Variants in PSEN2 observed in about 807,000 individuals in gnomAD.
PSEN2 encodes presenilin 2.
In PSEN2, 32 loss-of-function variants were observed where a neutral mutation model predicts 49.1. That is an observed-to-expected ratio of 0.65 (90% confidence interval 0.49 to 0.88). The LOEUF is 0.88. Ranked by LOEUF, PSEN2 falls within the 40% of genes least tolerant of loss-of-function variation. The pLI is 0.00. For synonymous variants in PSEN2, 255 were observed against 244.0 expected (o/e 1.05, Z -0.42); for missense variants, 522 against 586.9 (o/e 0.89, Z 1.14).
Position 226,888,223 on chromosome 1 carries a change from G to A in PSEN2, c.566+65G>A, listed in dbSNP as rs1661501911. ...CTCCATGTGGCACAAGTGGACATGG[G>A]CATGAGGACCTGGGCGGGGAAAGAT... On this transcript the variant is annotated intron_variant, in intron 7 of 12. Coordinates refer to ENST00000366783, the MANE Select transcript of PSEN2 (RefSeq NM_000447.3). 5 of 1,392,606 alleles carry A rather than the reference G, an allele frequency of 3.6e-6. No individual in the cohort carries two copies. The African/African-American group carries it at 4.3e-5, about 12-fold the overall frequency. 86.3% of individuals were successfully genotyped at this position (1,392,606 alleles called of 1,614,324 possible). A position where few individuals can be genotyped will look rare whatever the true frequency, so the allele number is the denominator to read the frequency against.
downstream of PSEN2, among the ~76,000 whole-genome samples, chr1:226,896,529 C>T (rs1315318566): frequency 6.6e-6 from 1 of 152,144 alleles, no homozygotes; most frequent in African/African-American, 2.4e-5. Context: ...TTGGCTTTGC[C>T]TTCTCTGTAC....
At chr1:226,889,106 T>C in intron 8 of PSEN2, 57 bp downstream of exon 8, 1 of 1,485,688 alleles carries the variant, frequency 6.7e-7, no homozygotes, top group African/African-American at 1.4e-5. Context: ...GGCCAAATCG[T>C]CCCCAGTGCT....
chr1:226,876,280 G>A (rs1162791309), intron 3 of PSEN2, among the ~76,000 whole-genome samples: 1 of 152,212 alleles, frequency 6.6e-6, no homozygotes, highest in Non-Finnish European at 1.5e-5. Context: ...AGGCCCTCAG[G>A]AATTCAGAGG....
intron 11 of PSEN2, 34 bp downstream of exon 11, chr1:226,891,878 C>T: frequency 6.3e-7 from 1 of 1,591,532 alleles, no homozygotes; most frequent in Non-Finnish European, 8.6e-7. Flanking sequence ...CCTGCTTCAG[C>T]CTACGGCGGG....
chr1:226,890,271 AG>A, intron 9 of PSEN2, 138 bp downstream of exon 9: 1 of 748,708 alleles, frequency 1.3e-6, no homozygotes. Context: ...GAAGCCAGGG[AG>A]GGCAGTATCT....
At chr1:226,885,430 G>GC in intron 5 of PSEN2, 108 bp from the exon 6 acceptor site, 1 of 1,303,178 alleles carries the variant, frequency 7.7e-7, no homozygotes, top group African/African-American at 1.5e-5. Context: ...CATGTGGGCA[G>GC]CATGGGCATC....
chr1:226,901,994 C>T (rs1163470684), intron 12 of PSEN2, among the ~76,000 whole-genome samples: 1 of 152,114 alleles, frequency 6.6e-6, no homozygotes, highest in Non-Finnish European at 1.5e-5. Context: ...GAGTTTCTCC[C>T]AGGAGGTAGG....
In PSEN2 at chr1:226,870,654, G is replaced by C. The variant is rs1660207763; in HGVS notation, c.-350+5G>C. The C allele has an allele frequency of 6.6e-6, 1 of 152,182 alleles. No individual in the cohort carries two copies. Among genetic ancestry groups the C allele is most frequent in the South Asian group, 2.1e-4 (1 of 4,836 alleles). 9.4% of individuals were successfully genotyped at this position (152,182 alleles called of 1,614,324 possible). ...TGGAGCGCGGCGGCAGAGCAGGTGA[G>C]CGGGCGGTGCCGGGGGGTGCCCAGG... On this transcript the variant is annotated splice_donor_5th_base_variant and intron_variant, in intron 1 of 12. Transcript: ENST00000366783.
Position 226,895,992 on chromosome 1 carries a change from T to C in PSEN2, c.*413T>C. The C allele has an allele frequency of 3.7e-6, 1 of 268,264 alleles. No individual in the cohort carries two copies. The highest frequency in any genetic ancestry group is 7.2e-6 in the Non-Finnish European group (1 of 138,184). 16.6% of individuals were successfully genotyped at this position (268,264 alleles called of 1,614,324 possible). A position where few individuals can be genotyped will look rare whatever the true frequency, so the allele number is the denominator to read the frequency against. ...CCCAATGCTTTGTCCATGATGTCCT[T>C]GTTATTTTATTGCCTTTAGAAACTG... On this transcript the variant is annotated 3_prime_UTR_variant, in exon 13 of 13. Transcript: ENST00000366783.
At chr1:226,880,150 G>A (rs1289214257) in intron 3 of PSEN2, among the ~76,000 whole-genome samples, 1 of 152,186 alleles carries the variant, frequency 6.6e-6, no homozygotes, top group African/African-American at 2.4e-5. Context: ...TGAGGCAGGA[G>A]GATCACTTGA....
intron 3 of PSEN2, among the ~76,000 whole-genome samples, chr1:226,880,982 C>CCCGAGACTCTCTTCT (rs1302358655): frequency 6.6e-6 from 1 of 152,216 alleles, no homozygotes; most frequent in Non-Finnish European, 1.5e-5. Flanking sequence ...CATGGTCTTT[C>CCCGAGACTCTCTTCT]CCGAGACTCT....
chr1:226,895,886 CAA>C lies in PSEN2; in HGVS notation c.*309_*310del, dbSNP rs772387766. 8.0e-5 allele frequency: 37 copies of C among 464,098 alleles called. No homozygotes were observed. Among genetic ancestry groups the C allele is most frequent in the Non-Finnish European group, 1.3e-4 (32 of 252,052 alleles). The allele number at this position is 464,098 out of a possible 1,614,324, so 28.7% of individuals were successfully genotyped here. On this transcript the variant is annotated 3_prime_UTR_variant, in exon 13 of 13. Transcript: ENST00000366783. ...CATCCGGCATGAGGGCTGAGATGCGCAAAGAGTGTGCTCGGGAGTGGCCCCTG... is the reference window on the plus strand; with the variant it reads ...CATCCGGCATGAGGGCTGAGATGCGCAGAGTGTGCTCGGGAGTGGCCCCTG...
At chr1:226,885,997 C>G (rs1399923905) in intron 6 of PSEN2, among the ~76,000 whole-genome samples, 2 of 152,104 alleles carry the variant, frequency 1.3e-5, no homozygotes, top group Non-Finnish European at 2.9e-5. Context: ...CCTCAAGTAG[C>G]TAGGACTACA....
At position 226,894,005 on chromosome 1, in the gene PSEN2, A is replaced by G. The variant is rs200203079; in HGVS notation, c.1073-2A>G. On this transcript the variant is annotated splice_acceptor_variant, in intron 11 of 12. Transcript: ENST00000366783. LOFTEE classifies it high-confidence loss of function. ...TACGGGTTACTGTCTCTCCTCACACAGGGGGCGTGAAGCTTGGCCTCGGGG... is the reference window on the plus strand; with the variant it reads ...TACGGGTTACTGTCTCTCCTCACACGGGGGGCGTGAAGCTTGGCCTCGGGG... The G allele has an allele frequency of 1.5e-5, 24 of 1,610,694 alleles. No individual in the cohort carries two copies. Among genetic ancestry groups the G allele is most frequent in the Non-Finnish European group, 2.0e-5 (23 of 1,177,024 alleles).
chr1:226,885,319 T>C (rs1423471902), intron 5 of PSEN2, among the ~76,000 whole-genome samples: 1 of 152,068 alleles, frequency 6.6e-6, no homozygotes, highest in East Asian at 1.9e-4. Flanking sequence ...CTGGGCCCAG[T>C]TGGCAGGCTG....
At chr1:226,871,175 G>C (rs1024318990) in intron 1 of PSEN2, 87 bp from the exon 2 acceptor site, 3 of 152,292 alleles carry the variant, frequency 2.0e-5, no homozygotes, top group Non-Finnish European at 4.4e-5. Context: ...AGGCGCGCGG[G>C]GGCTCTGCCC....
intron 7 of PSEN2, 134 bp downstream of exon 7, chr1:226,888,292 A>G: frequency 1.2e-6 from 1 of 804,636 alleles, no homozygotes; most frequent in South Asian, 1.4e-5. Flanking sequence ...CGTTTTGGGA[A>G]CCCAGGCCTC....
At chr1:226,898,600 G>C (rs1182102167), downstream of PSEN2, 1 of 152,120 alleles carries the variant, frequency 6.6e-6, no homozygotes, top group Non-Finnish European at 1.5e-5. Flanking sequence ...GCTGTACAAG[G>C]TTCCTTCTCT....
At chr1:226,902,309 G>T (rs1662343726) in intron 12 of PSEN2, among the ~76,000 whole-genome samples, 1 of 152,164 alleles carries the variant, frequency 6.6e-6, no homozygotes, top group African/African-American at 2.4e-5. Flanking sequence ...CTTACCACCT[G>T]CTGTGCAGCC....
Sources: gnomAD v4.1 joint callset for allele counts (sites outside exome capture counted in the v4.1 genomes callset) on GRCh38, gnomAD v4.1.1 for gene constraint, MANE v1.5 for transcripts, NCBI Gene and HGNC (gene_info 2026-07-23, HGNC 2026-07-21) for gene names.